Variants in ADAM7 observed in about 807,000 individuals in gnomAD.
ADAM7 encodes the protein disintegrin and metalloproteinase domain-containing protein 7.
ADAM7 carries 97 observed loss-of-function variants against 102.9 expected under a neutral mutation model. The ratio of observed to expected loss-of-function variants is 0.94; its 90% CI spans 0.80 to 1.12. ADAM7 has a LOEUF of 1.12. Ranked by LOEUF, ADAM7 falls within the 50% of genes most tolerant of loss-of-function variation. The pLI is 0.00. For missense variants in ADAM7, 991 were observed against 908.7 expected (o/e 1.09, Z -1.16); for synonymous variants, 334 against 304.4 (o/e 1.10, Z -1.01).
chr8:24,447,173 T>C lies in ADAM7; in HGVS notation c.157-13T>C, dbSNP rs1209477287. The C allele has an allele frequency of 1.3e-6, 2 of 1,507,870 alleles. No individual in the cohort carries two copies. The highest frequency in any genetic ancestry group is 1.4e-5 in the African/African-American group (1 of 71,534). 93.4% of individuals were successfully genotyped at this position (1,507,870 alleles called of 1,614,324 possible). A position where few individuals can be genotyped will look rare whatever the true frequency, so the allele number is the denominator to read the frequency against. ...GCCCATGTTGAAGTCACGTGATGCC[T>C]CTTCTTTTTTAGAAAACGTATGAAG... On this transcript the variant is annotated splice_polypyrimidine_tract_variant and intron_variant, in intron 2 of 21. Transcript: ENST00000175238.
At chr8:24,489,941 A>G (rs1253266045) in intron 12 of ADAM7, among the ~76,000 whole-genome samples, 2 of 152,226 alleles carry the variant, frequency 1.3e-5, no homozygotes, top group Non-Finnish European at 2.9e-5. Context: ...TCTGAAATTA[A>G]TAAGTGCAGA....
At chr8:24,478,245 C>G (rs781727869) in intron 8 of ADAM7, among the ~76,000 whole-genome samples, 35 of 152,118 alleles carry the variant, frequency 2.3e-4, no homozygotes, top group Non-Finnish European at 2.1e-4. Flanking sequence ...TTCTTGCTGG[C>G]AGTCTGCTGG....
At position 24,449,941 on chromosome 8, in the gene ADAM7, T is replaced by C. The variant is rs188710426; in HGVS notation, c.233+2679T>C. On this transcript the variant is annotated intron_variant, in intron 3 of 21. Transcript: ENST00000175238. ...CCATTGCTTGTTTTTCTCAGGTTTGTCAAAGACCAGATAGTTGTAGATATG... is the reference window on the plus strand; with the variant it reads ...CCATTGCTTGTTTTTCTCAGGTTTGCCAAAGACCAGATAGTTGTAGATATG... Among the ~76,000 whole-genome samples the C allele has an allele frequency of 1.8e-3, 272 of 152,326 alleles. 2 individuals carry two copies. Among genetic ancestry groups the C allele is most frequent in the African/African-American group, 6.2e-3 (257 of 41,572 alleles).
intron 11 of ADAM7, 96 bp from the exon 12 acceptor site, chr8:24,489,063 T>C (rs1820244844): frequency 1.7e-6 from 2 of 1,159,518 alleles, no homozygotes; most frequent in Non-Finnish European, 2.4e-6. Flanking sequence ...AACATTTACA[T>C]TTGTTCTTTT....
At chr8:24,505,068 T>G (rs370808625) in intron 20 of ADAM7, among the ~76,000 whole-genome samples, 1 of 152,186 alleles carries the variant, frequency 6.6e-6, no homozygotes, top group Admixed American at 6.6e-5. Flanking sequence ...AGAAATTGTA[T>G]GTAAATATAC....
At chr8:24,447,446 C>T (rs1462744699) in intron 3 of ADAM7, among the ~76,000 whole-genome samples, 184 bp downstream of exon 3, 1 of 152,130 alleles carries the variant, frequency 6.6e-6, no homozygotes, top group Non-Finnish European at 1.5e-5. Context: ...AAGACAATCA[C>T]AGATGCCACT....
intron 16 of ADAM7, among the ~76,000 whole-genome samples, chr8:24,498,718 A>G (rs1820643430): frequency 6.6e-6 from 1 of 151,834 alleles, no homozygotes; most frequent in Non-Finnish European, 1.5e-5. Flanking sequence ...GAATCACGCA[A>G]AGACCAAAAA....
Position 24,491,987 on chromosome 8 carries a change from C to T in ADAM7, c.1441C>T (p.Pro481Ser). The T allele has an allele frequency of 6.2e-7, 1 of 1,613,954 alleles. No individual in the cohort carries two copies. Among genetic ancestry groups the T allele is most frequent in the Non-Finnish European group, 8.5e-7 (1 of 1,179,882 alleles). Reference protein sequence around the residue: ...EMCTGHSPACPKDQFRVNGFP... With the variant: ...EMCTGHSPACSKDQFRVNGFP... ...GTGCACTGGCCACTCGCCTGCCTGT[C>T]CTAAGGACCAGTTCAGGGTCAATGG... The change falls in exon 14 of 22, where the codon CCT (proline) becomes TCT (serine). Residue 481 changes from proline to serine, a missense_variant. By Grantham distance (74) the Pro-to-Ser change is moderately conservative (BLOSUM62 -1). Transcript: ENST00000175238.
At chr8:24,487,538 G>T (rs73223157) in intron 11 of ADAM7, among the ~76,000 whole-genome samples, 4 of 151,968 alleles carry the variant, frequency 2.6e-5, no homozygotes, top group Non-Finnish European at 4.4e-5. Context: ...CCAGCTACTT[G>T]GGAGGAGAAT....
chr8:24,489,085 T>G, intron 11 of ADAM7, 74 bp from the exon 12 acceptor site: 2 of 1,355,276 alleles, frequency 1.5e-6, no homozygotes, highest in Non-Finnish European at 2.0e-6. Flanking sequence ...AAATGCTTCA[T>G]AAAATGCTCA....
At chr8:24,465,319 G>C (rs1461283503) in intron 4 of ADAM7, among the ~76,000 whole-genome samples, 1 of 152,146 alleles carries the variant, frequency 6.6e-6, no homozygotes, top group Non-Finnish European at 1.5e-5. Context: ...GAGTAATAAA[G>C]ACACCAACTT....
In ADAM7 at chr8:24,459,026, G is replaced by C. The variant is rs201024947; in HGVS notation, c.234-4856G>C. ...TGCAATAGATTTGTCAAATTTTGAT[G>C]ATAGATTATGTTGTGCTTCTGAGTT... On this transcript the variant is annotated intron_variant, in intron 3 of 21. Transcript: ENST00000175238. 4.0e-5 allele frequency among the ~76,000 whole-genome samples: 6 copies of C among 151,840 alleles called. No homozygotes were observed. The East Asian group carries it at 1.2e-3, about 29-fold the overall frequency.
rs762190505 is a variant in ADAM7 at position 24,504,610 on chromosome 8, A to G, written c.2209-2870A>G. ...GCTAGATGCAAGTGCCAATAAAAAT[A>G]TTATATTGCCAGTATTTTAAAATCA... is the stretch of plus-strand genomic sequence containing the variant. On this transcript the variant is annotated intron_variant, in intron 20 of 21. Coordinates refer to ENST00000175238, the MANE Select transcript of ADAM7 (RefSeq NM_003817.4). Among the ~76,000 whole-genome samples, 5 of 152,160 alleles carry G rather than the reference A, an allele frequency of 3.3e-5. 1 individual carries two copies. The highest frequency in any genetic ancestry group is 7.2e-5 in the African/African-American group (3 of 41,448).
Position 24,445,509 on chromosome 8 carries a change from T to A in ADAM7, c.157-1677T>A, listed in dbSNP as rs541224720. ...ACTACTCTCTCTTACTCCATCTGAC[T>A]ATCACTGAGGCTTGTAGATTCTAGC... On this transcript the variant is annotated intron_variant, in intron 2 of 21. Transcript: ENST00000175238. 2.0e-4 allele frequency among the ~76,000 whole-genome samples: 31 copies of A among 152,328 alleles called. No individual in the cohort carries two copies. In the South Asian group the frequency reaches 2.5e-3, roughly 12 times the overall value.
At chr8:24,475,061 A>G (rs530367091) in intron 7 of ADAM7, among the ~76,000 whole-genome samples, 9 of 152,280 alleles carry the variant, frequency 5.9e-5, no homozygotes, top group African/African-American at 2.2e-4. Flanking sequence ...TGAAGTGAGG[A>G]TATGGATGAA....
At chr8:24,476,650 A>G (rs914968418) in intron 8 of ADAM7, 146 bp downstream of exon 8, 1 of 508,346 alleles carries the variant, frequency 2.0e-6, no homozygotes, top group African/African-American at 1.9e-5. Context: ...CACGGGAAAA[A>G]ATAATAACAA....
rs3071035 is a variant in ADAM7 at position 24,501,612 on chromosome 8, ATTTTT to A, written c.2208+44_2208+48del. ...TCCATTTGCAACAGTTAATTTATTGATTTTTTTTTTTTAAGTAGCTGAATGTGTTT... is the reference window on the plus strand; with the variant it reads ...TCCATTTGCAACAGTTAATTTATTGATTTTTTTAAGTAGCTGAATGTGTTT... On this transcript the variant is annotated intron_variant, in intron 20 of 21. Coordinates refer to ENST00000175238, the MANE Select transcript of ADAM7 (RefSeq NM_003817.4). 34 of 1,318,848 alleles carry A rather than the reference ATTTTT, an allele frequency of 2.6e-5. 2 individuals are homozygous for A. Among genetic ancestry groups the A allele is most frequent in the South Asian group, 1.1e-4 (8 of 71,378 alleles). The allele number at this position is 1,318,848 out of a possible 1,614,324, so 81.7% of individuals were successfully genotyped here.
chr8:24,492,487 T>TA lies in ADAM7; in HGVS notation c.1553-7dup, dbSNP rs1563393156. On this transcript the variant is annotated splice_region_variant and splice_polypyrimidine_tract_variant and intron_variant, in intron 14 of 21. Transcript: ENST00000175238. ...ATTGTTTTACTTTTATACCATTTTT[T>TA]ACCCCAGAGGCAATAGAGAGTCATG... 1.3e-6 allele frequency: 2 copies of TA among 1,577,954 alleles called. No homozygotes were observed. Among genetic ancestry groups the TA allele is most frequent in the Non-Finnish European group, 1.7e-6 (2 of 1,158,346 alleles).
chr8:24,441,064 C>G lies in ADAM7; in HGVS notation c.-45C>G. On this transcript the variant is annotated 5_prime_UTR_variant, in exon 1 of 22. Coordinates refer to ENST00000175238, the MANE Select transcript of ADAM7 (RefSeq NM_003817.4). Reference sequence around the variant, plus strand: ...AAGTGAGGAGGAAGAAAGGTGAACTCCTTTTCTCAAGCACTTCTGCTCTCC... The same window carrying G: ...AAGTGAGGAGGAAGAAAGGTGAACTGCTTTTCTCAAGCACTTCTGCTCTCC... 6.4e-7 allele frequency: 1 copy of G among 1,568,600 alleles called. No homozygotes were observed. Among genetic ancestry groups the G allele is most frequent in the South Asian group, 1.1e-5 (1 of 90,016 alleles).
Sources: gnomAD v4.1 joint callset for allele counts (sites outside exome capture counted in the v4.1 genomes callset) on GRCh38, gnomAD v4.1.1 for gene constraint, MANE v1.5 for transcripts, NCBI Gene and HGNC (gene_info 2026-07-23, HGNC 2026-07-21) for gene names.